WDR70: variants seen among roughly 807,000 people sequenced by gnomAD.
The protein encoded by WDR70 is WD repeat-containing protein 70.
A neutral mutation model predicts 88.6 loss-of-function variants in WDR70; 53 were observed. That is an observed-to-expected ratio of 0.60 (90% CI 0.48 to 0.75). The LOEUF (loss-of-function observed/expected upper bound fraction) is 0.75. Ranked by LOEUF, WDR70 falls within the 30% of genes least tolerant of loss-of-function variation. WDR70 has a pLI of 0.00. For missense variants in WDR70, 610 were observed against 823.2 expected, an observed-to-expected ratio of 0.74 and a Z score of 3.17; for synonymous variants, 280 against 270.0, an observed-to-expected ratio of 1.04 and a Z score of -0.36.
At chr5:37,565,347 AC>A (rs1742706656) in intron 9 of WDR70, among the ~76,000 whole-genome samples, 1 of 152,180 alleles carries the variant, frequency 6.6e-6, no homozygotes, top group African/African-American at 2.4e-5. Context: ...GACAATCTTG[AC>A]AAACTCCTTT....
At chr5:37,726,352 G>A (rs1747970091) in intron 16 of WDR70, among the ~76,000 whole-genome samples, 1 of 152,108 alleles carries the variant, frequency 6.6e-6, no homozygotes, top group South Asian at 2.1e-4. Context: ...CTAGCTGCTA[G>A]AGATCTAGTG....
Position 37,523,385 on chromosome 5 carries a change from T to C in WDR70, c.917+6795T>C, listed in dbSNP as rs9686445. 7.3e-3 allele frequency among the ~76,000 whole-genome samples: 1,117 copies of C among 152,246 alleles called. 17 individuals are homozygous for C. The highest frequency in any genetic ancestry group is 0.025 in the African/African-American group (1,052 of 41,540). On this transcript the variant is annotated intron_variant, in intron 9 of 17. Transcript: ENST00000265107. ...AGGCAAACAGGGCCTGGAGTGGACC[T>C]CCAGTAAACTCCAATAGACCTGCAG...
rs1256658843 is a variant in WDR70, at chr5:37,563,432, A to AC, written c.918-41625dup. On this transcript the variant is annotated intron_variant, in intron 9 of 17. Coordinates refer to ENST00000265107, the MANE Select transcript of WDR70 (RefSeq NM_018034.4). ...GGGCGGCTGGCCGGGCGGGGGGCTG[A>AC]CCCCCCCACATCCTTCCCGGACGGG... is the stretch of plus-strand genomic sequence containing the variant. Among the ~76,000 whole-genome samples, 6 of 48,278 alleles carry AC rather than the reference A, an allele frequency of 1.2e-4. No homozygotes were observed. The East Asian group carries it at 2.4e-3, about 19-fold the overall frequency. 31.7% of individuals were successfully genotyped at this position (48,278 alleles called of 152,430 possible).
At chr5:37,392,177 G>GTTT (rs11335326) in intron 4 of WDR70, 57 bp downstream of exon 4, 1,217 of 1,306,138 alleles carry the variant, frequency 9.3e-4, no homozygotes, top group South Asian at 1.4e-3. Flanking sequence ...TGTTTATAGA[G>GTTT]TTTTTTTTTT....
At chr5:37,500,705 A>G (rs1459888252) in intron 8 of WDR70, among the ~76,000 whole-genome samples, 2 of 76,200 alleles carry the variant, frequency 2.6e-5, no homozygotes, top group Admixed American at 1.4e-4. Context: ...ATTTTATCAT[A>G]TATTTGTTGG....
chr5:37,469,917 A>G (rs569230022), intron 7 of WDR70, among the ~76,000 whole-genome samples: 3 of 152,264 alleles, frequency 2.0e-5, no homozygotes, highest in African/African-American at 7.2e-5. Flanking sequence ...GTGCTTGCCA[A>G]TATTTGGTAA....
intron 9 of WDR70, among the ~76,000 whole-genome samples, chr5:37,525,799 A>C (rs1035042823): frequency 6.6e-6 from 1 of 152,144 alleles, no homozygotes; most frequent in Middle Eastern, 3.2e-3. Context: ...GATAAAGGGG[A>C]TATCACCACC....
intron 10 of WDR70, among the ~76,000 whole-genome samples, chr5:37,642,070 G>A (rs1345601971): frequency 6.6e-6 from 1 of 152,180 alleles, no homozygotes; most frequent in Non-Finnish European, 1.5e-5. Context: ...TTTACTTAGA[G>A]TGGGTATCCT....
chr5:37,695,567 C>T (rs1168636244), intron 10 of WDR70, among the ~76,000 whole-genome samples: 1 of 152,170 alleles, frequency 6.6e-6, no homozygotes, highest in Non-Finnish European at 1.5e-5. Flanking sequence ...TGGTTGTTGG[C>T]AGGACTCAGA....
At chr5:37,510,403 T>G (rs1309061195) in intron 8 of WDR70, among the ~76,000 whole-genome samples, 1 of 152,186 alleles carries the variant, frequency 6.6e-6, no homozygotes, top group East Asian at 1.9e-4. Context: ...AACGTCATGC[T>G]CTTTTACTCC....
intron 5 of WDR70, among the ~76,000 whole-genome samples, chr5:37,430,106 A>T (rs901861662): frequency 2.0e-5 from 3 of 152,242 alleles, no homozygotes; most frequent in African/African-American, 7.2e-5. Context: ...TTATTATCTT[A>T]AATGGCGTGA....
chr5:37,415,235 C>G (rs552505863), intron 5 of WDR70, among the ~76,000 whole-genome samples: 1 of 152,096 alleles, frequency 6.6e-6, no homozygotes. Context: ...CCCCACCTTT[C>G]CCCTTTTCTA....
intron 10 of WDR70, among the ~76,000 whole-genome samples, chr5:37,669,873 A>G (rs980714148): frequency 6.6e-6 from 1 of 152,252 alleles, no homozygotes; most frequent in Non-Finnish European, 1.5e-5. Flanking sequence ...ATACTGCAAC[A>G]TGGACGAACC....
intron 10 of WDR70, among the ~76,000 whole-genome samples, chr5:37,635,850 C>A (rs193270418): frequency 3.3e-5 from 5 of 152,074 alleles, no homozygotes; most frequent in Non-Finnish European, 7.4e-5. Context: ...TTTAATCATG[C>A]GCGCGGTTAT....
intron 8 of WDR70, among the ~76,000 whole-genome samples, chr5:37,484,740 G>A (rs1473550064): frequency 2.0e-5 from 3 of 152,198 alleles, no homozygotes; most frequent in African/African-American, 4.8e-5. Context: ...TCTGTGAGTT[G>A]ACTGTTCTTG....
At chr5:37,550,709 A>G in intron 9 of WDR70, among the ~76,000 whole-genome samples, 1 of 152,112 alleles carries the variant, frequency 6.6e-6, no homozygotes, top group East Asian at 1.9e-4. Context: ...ATGTCTTTTG[A>G]TTGGAGAGTG....
intron 3 of WDR70, among the ~76,000 whole-genome samples, chr5:37,385,799 C>T (rs1748592806): frequency 6.9e-6 from 1 of 145,672 alleles, no homozygotes; most frequent in African/African-American, 2.8e-5. Context: ...GAAACAAAGA[C>T]CAAATATATA....
chr5:37,627,174 A>G (rs1744692445), intron 10 of WDR70, among the ~76,000 whole-genome samples: 1 of 151,918 alleles, frequency 6.6e-6, no homozygotes, highest in Non-Finnish European at 1.5e-5. Context: ...TTGCAGCCTC[A>G]GCTTCCTGAG....
At chr5:37,694,322 A>G (rs1393835514) in intron 10 of WDR70, among the ~76,000 whole-genome samples, 2 of 152,184 alleles carry the variant, frequency 1.3e-5, no homozygotes, top group African/African-American at 4.8e-5. Context: ...TAGAAATACC[A>G]TTTGACCCAG....
Sources: gnomAD v4.1 joint callset for allele counts (sites outside exome capture counted in the v4.1 genomes callset) on GRCh38, gnomAD v4.1.1 for gene constraint, MANE v1.5 for transcripts, NCBI Gene and HGNC (gene_info 2026-07-23, HGNC 2026-07-21) for gene names.